Variants in KAZN observed in about 807,000 individuals in gnomAD.
KAZN encodes kazrin.
Under a neutral mutation model 87.4 loss-of-function variants are expected in KAZN, and 40 were observed. The ratio of observed to expected loss-of-function variants is 0.46; its 90% CI spans 0.36 to 0.60. The LOEUF is 0.60. KAZN is among the 20% of genes least tolerant of loss of function. KAZN has a pLI of 0.00. For missense variants in KAZN, 898 were observed against 1,073.9 expected (o/e 0.84, Z 2.29); for synonymous variants, 466 against 458.3 (o/e 1.02, Z -0.22).
intron 2 of KAZN, among the ~76,000 whole-genome samples, chr1:14,970,333 T>G (rs1473636535): frequency 3.3e-5 from 5 of 152,176 alleles, no homozygotes; most frequent in Non-Finnish European, 5.9e-5. Context: ...CCAAGCCCTG[T>G]ATCACGTGGG....
At chr1:14,491,670 C>T (rs1280030260) in intron 2 of KAZN, among the ~76,000 whole-genome samples, 2 of 152,128 alleles carry the variant, frequency 1.3e-5, no homozygotes, top group Non-Finnish European at 2.9e-5. Flanking sequence ...AAGAGGTTTT[C>T]TTTCCTTTTT....
intron 2 of KAZN, among the ~76,000 whole-genome samples, chr1:14,978,128 T>C (rs952454080): frequency 2.6e-5 from 4 of 152,144 alleles, no homozygotes; most frequent in Admixed American, 2.6e-4. Flanking sequence ...CTTCCTCACG[T>C]CCTCCCATTC....
At chr1:14,513,228 T>A (rs1166935968) in intron 2 of KAZN, among the ~76,000 whole-genome samples, 3 of 152,182 alleles carry the variant, frequency 2.0e-5, no homozygotes, top group Non-Finnish European at 4.4e-5. Context: ...AGGCGTGGTA[T>A]AACTTATTGT....
intron 1 of KAZN, among the ~76,000 whole-genome samples, chr1:14,125,854 C>T (rs913337044): frequency 6.6e-6 from 1 of 151,202 alleles, no homozygotes; most frequent in Non-Finnish European, 1.5e-5. Context: ...GGCAGATTTG[C>T]AGAACCGTTA....
At chr1:14,489,502 G>A (rs1669533929) in intron 2 of KAZN, among the ~76,000 whole-genome samples, 1 of 152,052 alleles carries the variant, frequency 6.6e-6, no homozygotes, top group South Asian at 2.1e-4. Context: ...GAGAAGCCAA[G>A]GCAGGCGGAT....
intron 2 of KAZN, among the ~76,000 whole-genome samples, chr1:14,456,358 G>T (rs953095609): frequency 2.0e-5 from 3 of 152,112 alleles, no homozygotes; most frequent in Non-Finnish European, 4.4e-5. Flanking sequence ...GTTTACGGAG[G>T]TCTCTCCAGT....
At chr1:14,781,220 G>A (rs1419272260) in intron 1 of KAZN, among the ~76,000 whole-genome samples, 2 of 152,234 alleles carry the variant, frequency 1.3e-5, no homozygotes, top group Admixed American at 1.3e-4. Flanking sequence ...TACTCGGGAG[G>A]CTGAGGCAGG....
chr1:14,987,326 CT>C, intron 2 of KAZN, among the ~76,000 whole-genome samples: 1 of 152,226 alleles, frequency 6.6e-6, no homozygotes, highest in Non-Finnish European at 1.5e-5. Flanking sequence ...AACCCCGTCT[CT>C]ACTAAAGATA....
At chr1:13,902,964 T>G (rs1259990498) in intron 1 of KAZN, among the ~76,000 whole-genome samples, 2 of 152,058 alleles carry the variant, frequency 1.3e-5, no homozygotes, top group African/African-American at 4.8e-5. Context: ...TGGCCATGGG[T>G]GAGTAAGGCT....
chr1:14,432,130 A>G (rs906449425), intron 2 of KAZN, among the ~76,000 whole-genome samples: 1 of 152,186 alleles, frequency 6.6e-6, no homozygotes, highest in Admixed American at 6.5e-5. Flanking sequence ...CCGCAAGCCT[A>G]CTAGCAGCAG....
At chr1:14,573,396 C>T (rs1674987510) in intron 2 of KAZN, among the ~76,000 whole-genome samples, 1 of 152,166 alleles carries the variant, frequency 6.6e-6, no homozygotes, top group Admixed American at 6.6e-5. Flanking sequence ...TGCTTGTAAT[C>T]ACAGCACTTT....
intron 1 of KAZN, among the ~76,000 whole-genome samples, chr1:14,015,459 C>CTTTTTTTT (rs70987713): frequency 4.0e-5 from 1 of 25,102 alleles, no homozygotes; most frequent in African/African-American, 1.0e-4. Flanking sequence ...GTTACATCTA[C>CTTTTTTTT]TTTTTTTTTT....
intron 2 of KAZN, among the ~76,000 whole-genome samples, chr1:14,471,355 A>G (rs1283118267): frequency 6.6e-6 from 1 of 152,198 alleles, no homozygotes; most frequent in East Asian, 1.9e-4. Context: ...AGGTAAAATT[A>G]CATGTCCTAG....
chr1:14,460,718 C>G (rs1667811162), intron 2 of KAZN, among the ~76,000 whole-genome samples: 1 of 152,198 alleles, frequency 6.6e-6, no homozygotes, highest in Non-Finnish European at 1.5e-5. Flanking sequence ...CCTTCCTCAT[C>G]AGGGTCCTTT....
intron 2 of KAZN, among the ~76,000 whole-genome samples, chr1:14,240,751 G>T (rs570922983): frequency 4.6e-4 from 70 of 152,148 alleles, no homozygotes; most frequent in African/African-American, 1.6e-3. Flanking sequence ...GCTGCACCGG[G>T]TCACTATTCT....
chr1:14,106,353 A>C (rs534858707), intron 1 of KAZN, among the ~76,000 whole-genome samples: 1 of 152,372 alleles, frequency 6.6e-6, no homozygotes, highest in African/African-American at 2.4e-5. Flanking sequence ...GGATTCTGCC[A>C]AAACTTGCTA....
chr1:13,961,322 C>A (rs1187323564), intron 1 of KAZN, among the ~76,000 whole-genome samples: 1 of 152,174 alleles, frequency 6.6e-6, no homozygotes, highest in Non-Finnish European at 1.5e-5. Context: ...CACACACATG[C>A]ACATGTACAA....
chr1:13,982,426 C>T (rs142280866), intron 1 of KAZN, among the ~76,000 whole-genome samples: 77 of 152,246 alleles, frequency 5.1e-4, no homozygotes, highest in African/African-American at 1.7e-3. Flanking sequence ...GTGAAGCTGC[C>T]GACTTTCGCG....
intron 1 of KAZN, among the ~76,000 whole-genome samples, chr1:13,901,845 G>C (rs112170322): frequency 0.084 from 12,753 of 152,316 alleles, 1,377 homozygotes; most frequent in African/African-American, 0.24. Flanking sequence ...TGCCTAGCTT[G>C]TTGTACGATG....
Sources: allele counts gnomAD v4.1 joint callset (sites outside exome capture counted in the v4.1 genomes callset), GRCh38; gene constraint gnomAD v4.1.1; transcripts MANE v1.5; gene names NCBI Gene and HGNC (gene_info 2026-07-23, HGNC 2026-07-21).